ZNF621: variants seen among roughly 807,000 people sequenced by gnomAD.
ZNF621 encodes zinc finger protein 621.
A neutral mutation model predicts 12.7 loss-of-function variants in ZNF621; 6 were observed. The observed-to-expected ratio is 0.47, with a 90% CI of 0.26 to 0.93. The LOEUF is 0.93. Ranked by LOEUF, ZNF621 falls within the 40% of genes least tolerant of loss-of-function variation. The pLI is 0.15. For missense variants in ZNF621, 474 were observed against 524.0 expected (o/e 0.90, Z 0.93); for synonymous variants, 156 against 190.3 (o/e 0.82, Z 1.48).
chr3:40,527,908 C>T (rs1011060892), intron 2 of ZNF621, among the ~76,000 whole-genome samples: 3 of 152,148 alleles, frequency 2.0e-5, no homozygotes, highest in African/African-American at 7.2e-5. Context: ...CAAGAGTTCC[C>T]ATTTATCTCC....
intron 2 of ZNF621, among the ~76,000 whole-genome samples, chr3:40,528,416 C>G (rs377577326): frequency 6.6e-6 from 1 of 152,160 alleles, no homozygotes; most frequent in East Asian, 1.9e-4. Context: ...TCGGTTGCTT[C>G]CAAGTTTTGG....
chr3:40,531,999 A>G (rs781004083), intron 4 of ZNF621, 31 bp from the exon 5 acceptor site: 25 of 1,557,210 alleles, frequency 1.6e-5, no homozygotes, highest in Non-Finnish European at 2.1e-5. Context: ...CCAGTTTTGT[A>G]ACTAGGAACA....
At chr3:40,526,951 G>C (rs1003549340) in intron 2 of ZNF621, among the ~76,000 whole-genome samples, 3 of 151,974 alleles carry the variant, frequency 2.0e-5, no homozygotes, top group African/African-American at 4.8e-5. Flanking sequence ...CACCTCCCAG[G>C]TTCAGGCAAT....
At position 40,537,765 on chromosome 3, in the gene ZNF621, A is replaced by T. The variant is rs7624102; in HGVS notation, c.*4675A>T. 6,036 of 171,940 alleles carry T rather than the reference A, an allele frequency of 0.035. 412 individuals carry two copies. The highest frequency in any genetic ancestry group is 0.14 in the African/African-American group (5,673 of 41,822). 10.7% of individuals were successfully genotyped at this position (171,940 alleles called of 1,614,324 possible). On this transcript the variant is annotated 3_prime_UTR_variant, in exon 5 of 5. Transcript: ENST00000339296. ...CTGCAGGAAAGTTTGAAGCTAGCAG[A>T]GGTTGGTTCATGAGGTTTAAGAAGT...
rs1319590723 is a variant in ZNF621, at chr3:40,534,919, A to G, written c.*1829A>G. ...CAGGCTGAACTGTCACTTTAAATTC[A>G]TGACCAGTAACTTCATGGAGGCCCT... On this transcript the variant is annotated 3_prime_UTR_variant, in exon 5 of 5. Transcript: ENST00000339296. The G allele has an allele frequency of 2.0e-5, 3 of 152,242 alleles. No homozygotes were observed. Among genetic ancestry groups the G allele is most frequent in the Non-Finnish European group, 4.4e-5 (3 of 68,052 alleles). 9.4% of individuals were successfully genotyped at this position (152,242 alleles called of 1,614,324 possible). A position where few individuals can be genotyped will look rare whatever the true frequency, so the allele number is the denominator to read the frequency against.
At chr3:40,526,915 G>A (rs753854391) in intron 2 of ZNF621, among the ~76,000 whole-genome samples, 85 of 152,172 alleles carry the variant, frequency 5.6e-4, no homozygotes, top group Non-Finnish European at 9.0e-4. Context: ...GAGTGCAATG[G>A]CGCTATCTCG....
chr3:40,531,489 T>A (rs574014475), intron 4 of ZNF621, among the ~76,000 whole-genome samples: 3 of 152,324 alleles, frequency 2.0e-5, no homozygotes, highest in African/African-American at 7.2e-5. Context: ...TTTTCCAGCC[T>A]TCCTCGTGGG....
In ZNF621 at chr3:40,534,082, C is replaced by G. The variant is rs1463022268; in HGVS notation, c.*992C>G. The G allele has an allele frequency of 1.3e-5, 2 of 151,954 alleles. No individual in the cohort carries two copies. The highest frequency in any genetic ancestry group is 2.9e-5 in the Non-Finnish European group (2 of 67,900). The allele number at this position is 151,954 out of a possible 1,614,324, so 9.4% of individuals were successfully genotyped here. On this transcript the variant is annotated 3_prime_UTR_variant, in exon 5 of 5. Transcript: ENST00000339296. ...ACAAAGGCATTCATCTTTGTTGAAT[C>G]TGTTGTGCAGATTTTTCTTGATGAG...
rs1191067974 is a variant in ZNF621 at position 40,536,471 on chromosome 3, C to T, written c.*3381C>T. ...ATTTTATACAAAATTATAAAGAAAG[C>T]ATAGAGAGGTAAGCATTAGTGGCAC... On this transcript the variant is annotated 3_prime_UTR_variant, in exon 5 of 5. Coordinates refer to ENST00000339296, the MANE Select transcript of ZNF621 (RefSeq NM_198484.5). 6.6e-6 allele frequency: 1 copy of T among 152,110 alleles called. No homozygotes were observed. The highest frequency in any genetic ancestry group is 6.6e-5 in the Admixed American group (1 of 15,258). 9.4% of individuals were successfully genotyped at this position (152,110 alleles called of 1,614,324 possible).
rs993677971 is a variant in ZNF621, at chr3:40,534,279, T to C, written c.*1189T>C. Reference sequence around the variant, plus strand: ...TTTTTTTAAGAAATAAAGGGAGCTGTGTAGTGGGTCAGTGGCTAGGTAGGT... The same window carrying C: ...TTTTTTTAAGAAATAAAGGGAGCTGCGTAGTGGGTCAGTGGCTAGGTAGGT... On this transcript the variant is annotated 3_prime_UTR_variant, in exon 5 of 5. Coordinates refer to ENST00000339296, the MANE Select transcript of ZNF621 (RefSeq NM_198484.5). 6.6e-6 allele frequency: 1 copy of C among 151,922 alleles called. No individual in the cohort carries two copies. The highest frequency in any genetic ancestry group is 6.6e-5 in the Admixed American group (1 of 15,238). The allele number at this position is 151,922 out of a possible 1,614,324, so 9.4% of individuals were successfully genotyped here.
rs1415507026 is a variant in ZNF621 at position 40,539,780 on chromosome 3, C to T, written c.*6690C>T. On this transcript the variant is annotated 3_prime_UTR_variant, in exon 5 of 5. Coordinates refer to ENST00000339296, the MANE Select transcript of ZNF621 (RefSeq NM_198484.5). The stretch of plus-strand genomic sequence containing the variant: ...TATTTTTCATAAAGAAAACTTTTGA[C>T]AATTTGTTTTTAAGAGACAAAGTTT... 1 of 152,184 alleles carries T rather than the reference C, an allele frequency of 6.6e-6. No homozygotes were observed. Among genetic ancestry groups the T allele is most frequent in the East Asian group, 1.9e-4 (1 of 5,198 alleles). 9.4% of individuals were successfully genotyped at this position (152,184 alleles called of 1,614,324 possible). A position where few individuals can be genotyped will look rare whatever the true frequency, so the allele number is the denominator to read the frequency against.
rs546183444 is a variant in ZNF621 at position 40,533,297 on chromosome 3, C to T, written c.*207C>T. ...CTGGGATTACAGGCACGCCTCACCA[C>T]GCCCAGCTAATTTCTGTATTTTTAG... On this transcript the variant is annotated 3_prime_UTR_variant, in exon 5 of 5. Transcript: ENST00000339296. 1.9e-5 allele frequency: 15 copies of T among 775,852 alleles called. No individual in the cohort carries two copies. The highest frequency in any genetic ancestry group is 1.9e-4 in the Admixed American group (6 of 31,734). The allele number at this position is 775,852 out of a possible 1,614,324, so 48.1% of individuals were successfully genotyped here.
intron 4 of ZNF621, among the ~76,000 whole-genome samples, chr3:40,531,072 C>T (rs1432802616): frequency 2.6e-5 from 4 of 152,206 alleles, no homozygotes; most frequent in Non-Finnish European, 5.9e-5. Context: ...GCACAGGTAC[C>T]ACAGTGGCTT....
rs1280072016 is a variant in ZNF621 at position 40,532,388 on chromosome 3, C to T, written c.618C>T (p.Pro206=). 1 of 1,613,074 alleles carries T rather than the reference C, an allele frequency of 6.2e-7. No individual in the cohort carries two copies. The highest frequency in any genetic ancestry group is 8.5e-7 in the Non-Finnish European group (1 of 1,179,976). The part of the protein sequence containing the change: ...VHEKNHIGEG[P]YECKECGKGL... Reference sequence around the variant, plus strand: ...AGAAAAACCACATTGGAGAAGGGCCCTATGAATGTAAGGAGTGTGGCAAAG... The same window carrying T: ...AGAAAAACCACATTGGAGAAGGGCCTTATGAATGTAAGGAGTGTGGCAAAG... The change falls in exon 5 of 5, where the codon CCC becomes CCT. Residue 206 remains proline (P), a synonymous_variant. Coordinates refer to ENST00000339296, the MANE Select transcript of ZNF621 (RefSeq NM_198484.5).
Position 40,535,002 on chromosome 3 carries a change from C to G in ZNF621, c.*1912C>G, listed in dbSNP as rs1698830146. On this transcript the variant is annotated 3_prime_UTR_variant, in exon 5 of 5. Coordinates refer to ENST00000339296, the MANE Select transcript of ZNF621 (RefSeq NM_198484.5). ...GGAGTCCACTTAACTCCCCTGCTTT[C>G]CTAGGCCACTACTTTATACTTTCTC... The G allele has an allele frequency of 6.6e-6, 1 of 152,246 alleles. No individual in the cohort carries two copies. Among genetic ancestry groups the G allele is most frequent in the Admixed American group, 6.5e-5 (1 of 15,284 alleles). The allele number at this position is 152,246 out of a possible 1,614,324, so 9.4% of individuals were successfully genotyped here.
intron 2 of ZNF621, among the ~76,000 whole-genome samples, chr3:40,528,226 C>T (rs929271821): frequency 5.3e-5 from 8 of 152,204 alleles, no homozygotes; most frequent in African/African-American, 1.7e-4. Flanking sequence ...TCCAAAATGT[C>T]ATATAGCCAG....
chr3:40,524,581 A>G (rs1698530374), upstream of ZNF621, among the ~76,000 whole-genome samples: 1 of 152,168 alleles, frequency 6.6e-6, no homozygotes, highest in African/African-American at 2.4e-5. Context: ...CCTCTTAGAG[A>G]TGACAAAGCA....
chr3:40,529,320 A>C lies in ZNF621; in HGVS notation c.26A>C (p.Glu9Ala), dbSNP rs535287746. The stretch of plus-strand genomic sequence containing the variant: ...TTGAGCAGGAACCTGTTGTTTCAGG[A>C]GTCAGTGACCTTTGAGGATGTGGCT... MLQTTWPQESVTFEDVAVY... is the reference protein window; with the variant it reads MLQTTWPQASVTFEDVAVY... Residue 9 changes from glutamate to alanine, a missense_variant and splice_region_variant, in exon 3 of 5, where the codon GAG becomes GCG. Coordinates refer to ENST00000339296, the MANE Select transcript of ZNF621 (RefSeq NM_198484.5). 12 of 1,613,106 alleles carry C rather than the reference A, an allele frequency of 7.4e-6. No homozygotes were observed. The South Asian group carries it at 1.3e-4, about 18-fold the overall frequency.
chr3:40,530,134 G>T, intron 3 of ZNF621, 75 bp from the exon 4 acceptor site: 3 of 1,253,792 alleles, frequency 2.4e-6, no homozygotes, highest in Non-Finnish European at 3.5e-6. Flanking sequence ...GCCTGATGGA[G>T]GGTGGGCTGA....
Sources: allele counts gnomAD v4.1 joint callset (sites outside exome capture counted in the v4.1 genomes callset), GRCh38; gene constraint gnomAD v4.1.1; transcripts MANE v1.5; gene names NCBI Gene and HGNC (gene_info 2026-07-23, HGNC 2026-07-21).